The following LRRC7 variants were observed in gnomAD, a reference collection of about 807,000 sequenced individuals.
The protein encoded by LRRC7 is leucine-rich repeat-containing protein 7.
A neutral mutation model predicts 175.7 loss-of-function variants in LRRC7; 23 were observed. That is an observed-to-expected ratio of 0.13 (90% CI 0.09 to 0.19). LRRC7 has a LOEUF of 0.19. Ranked by LOEUF, LRRC7 falls within the 10% of genes least tolerant of loss-of-function variation. The probability of loss-of-function intolerance (pLI) is 1.00; values close to 1 mark genes in which losing one functional copy is unlikely to be tolerated. For synonymous variants in LRRC7, 685 were observed against 680.9 expected (o/e 1.01, Z -0.09); for missense variants, 1,354 against 1,904.7 (o/e 0.71, Z 5.38).
rs548270465 is a variant in LRRC7, at chr1:69,891,459, T to C, written c.648-40048T>C. Among the ~76,000 whole-genome samples the C allele has an allele frequency of 2.6e-5, 4 of 152,294 alleles. No homozygotes were observed. In the South Asian group the frequency reaches 6.2e-4, roughly 24 times the overall value. On this transcript the variant is annotated intron_variant, in intron 7 of 26. Transcript: ENST00000651989. ...AATATCACTGATCATTGGCTGGGCA[T>C]GGTGGCTCACACCTGTAATCCAAGC...
At chr1:69,602,742 T>C (rs1647129560) in intron 1 of LRRC7, among the ~76,000 whole-genome samples, 1 of 152,294 alleles carries the variant, frequency 6.6e-6, no homozygotes, top group African/African-American at 2.4e-5. Context: ...CGAGAATCAT[T>C]GGCTTACACA....
chr1:70,101,613 G>A (rs79238992), intron 25 of LRRC7, among the ~76,000 whole-genome samples: 1,692 of 152,282 alleles, frequency 0.011, 31 homozygotes, highest in Middle Eastern at 0.088. Flanking sequence ...AACCAGTAAG[G>A]CAAGGTCAGA....
chr1:70,023,522 CA>C (rs1464836167), intron 17 of LRRC7, 148 bp downstream of exon 17: 1 of 880,280 alleles, frequency 1.1e-6, no homozygotes, highest in African/African-American at 1.7e-5. Flanking sequence ...CTCAATTTAA[CA>C]TTTTGTTTAT....
chr1:69,643,456 C>T (rs893418875), intron 1 of LRRC7, among the ~76,000 whole-genome samples: 1 of 152,132 alleles, frequency 6.6e-6, no homozygotes, highest in African/African-American at 2.4e-5. Context: ...AACAAAACAA[C>T]TCTTTTCTCC....
At chr1:69,750,258 T>C (rs1406245226) in intron 2 of LRRC7, among the ~76,000 whole-genome samples, 2 of 151,868 alleles carry the variant, frequency 1.3e-5, no homozygotes, top group Non-Finnish European at 2.9e-5. Context: ...TAGTGTTCAG[T>C]AGCACAGCAA....
intron 7 of LRRC7, among the ~76,000 whole-genome samples, chr1:69,868,031 A>G (rs1001880597): frequency 6.6e-6 from 1 of 152,158 alleles, no homozygotes; most frequent in African/African-American, 2.4e-5. Flanking sequence ...TGAGAATCAT[A>G]CCATACCATT....
At position 69,964,808 on chromosome 1, in the gene LRRC7, AAAG is replaced by A. The variant is rs563056838; in HGVS notation, c.712-15570_712-15568del. On this transcript the variant is annotated intron_variant, in intron 8 of 26. Transcript: ENST00000651989. ...TTCTTAAAACAACTCTCAGATATTC[AAAG>A]GAGAGTGTTTTTGACACCTACATAG... Among the ~76,000 whole-genome samples the A allele has an allele frequency of 3.9e-5, 6 of 152,326 alleles. No homozygotes were observed. The South Asian group carries it at 1.2e-3, about 32-fold the overall frequency.
At chr1:69,782,727 A>G (rs552802108) in intron 3 of LRRC7, among the ~76,000 whole-genome samples, 12 of 152,290 alleles carry the variant, frequency 7.9e-5, no homozygotes, top group Admixed American at 2.0e-4. Flanking sequence ...AAAAATTATG[A>G]GGAGGAGATG....
intron 23 of LRRC7, among the ~76,000 whole-genome samples, chr1:70,059,513 G>A (rs1661413850): frequency 2.0e-5 from 3 of 148,410 alleles, no homozygotes; most frequent in African/African-American, 7.6e-5. Flanking sequence ...GTGTGTGTGT[G>A]TGTGGTCATT....
intron 24 of LRRC7, among the ~76,000 whole-genome samples, chr1:70,084,813 T>C (rs1167433970): frequency 1.3e-5 from 2 of 152,166 alleles, no homozygotes; most frequent in South Asian, 2.1e-4. Context: ...TTACCAGTAC[T>C]TATTATTGTT....
chr1:69,864,257 C>T (rs919729970), intron 7 of LRRC7, among the ~76,000 whole-genome samples: 6 of 152,156 alleles, frequency 3.9e-5, no homozygotes, highest in Non-Finnish European at 8.8e-5. Flanking sequence ...TGGGGACTCA[C>T]AGATAGAAAT....
chr1:69,596,104 C>A (rs890864532), intron 1 of LRRC7, among the ~76,000 whole-genome samples: 2 of 152,010 alleles, frequency 1.3e-5, no homozygotes, highest in Admixed American at 6.6e-5. Flanking sequence ...TGCCCAGGTG[C>A]TTTAAAGCAT....
chr1:69,939,015 C>CTATA lies in LRRC7; in HGVS notation c.711+7457_711+7460dup, dbSNP rs36186445. 2.8e-4 allele frequency among the ~76,000 whole-genome samples: 15 copies of CTATA among 52,694 alleles called. No individual in the cohort carries two copies. The East Asian group carries it at 9.9e-3, about 35-fold the overall frequency. 34.6% of individuals were successfully genotyped at this position (52,694 alleles called of 152,430 possible). On this transcript the variant is annotated intron_variant, in intron 8 of 26. Transcript: ENST00000651989. ...GTAGATTATATATATATATATATAT[C>CTATA]TATATATATATATATCTATATATAT...
Position 70,141,294 on chromosome 1 carries a change from A to AGT in LRRC7, c.*19408_*19409dup, listed in dbSNP as rs1667052451. 2 of 152,272 alleles carry AGT rather than the reference A, an allele frequency of 1.3e-5. No individual in the cohort carries two copies. The highest frequency in any genetic ancestry group is 4.8e-5 in the African/African-American group (2 of 41,562). 9.4% of individuals were successfully genotyped at this position (152,272 alleles called of 1,614,324 possible). A position where few individuals can be genotyped will look rare whatever the true frequency, so the allele number is the denominator to read the frequency against. The stretch of plus-strand genomic sequence containing the variant: ...AGAAAGAAAGGGTTTTTAAGAGTTA[A>AGT]GTCAGTAGAAAGGGAGCCTGCAAAT... On this transcript the variant is annotated 3_prime_UTR_variant, in exon 27 of 27. Coordinates refer to ENST00000651989, the MANE Select transcript of LRRC7 (RefSeq NM_001370785.2).
intron 1 of LRRC7, among the ~76,000 whole-genome samples, chr1:69,591,939 T>G (rs189582032): frequency 9.2e-4 from 140 of 152,206 alleles, no homozygotes; most frequent in African/African-American, 3.3e-3. Flanking sequence ...CTTTTTGCCT[T>G]GTATACATTT....
At chr1:69,754,804 T>C (rs1670223665) in intron 2 of LRRC7, among the ~76,000 whole-genome samples, 1 of 151,836 alleles carries the variant, frequency 6.6e-6, no homozygotes, top group Non-Finnish European at 1.5e-5. Context: ...CTATAAAACA[T>C]AAAGTAGAAA....
intron 21 of LRRC7, among the ~76,000 whole-genome samples, chr1:70,041,198 G>A (rs560798734): frequency 6.6e-6 from 1 of 152,142 alleles, no homozygotes; most frequent in Non-Finnish European, 1.5e-5. Context: ...AAAAGCACAG[G>A]TCACTGCATT....
rs773666243 is a variant in LRRC7, at chr1:70,039,259, G to A, written c.3435G>A (p.Gly1145=). Residue 1145 remains glycine (G), a synonymous_variant, in exon 21 of 27, where the codon GGG becomes GGA. Transcript: ENST00000651989. ...TGAATGCCCAGTTCGCAAGCCAAGG[G>A]GCCAGGGCGGGCTTCCTGAGAAGGG... ...AVVNAQFASQ[G]ARAGFLRRAD... 2.5e-6 allele frequency: 4 copies of A among 1,614,046 alleles called. No homozygotes were observed. Among genetic ancestry groups the A allele is most frequent in the South Asian group, 1.1e-5 (1 of 91,074 alleles).
At chr1:70,029,828 G>T (rs143686401) in intron 18 of LRRC7, among the ~76,000 whole-genome samples, 55 of 152,230 alleles carry the variant, frequency 3.6e-4, no homozygotes, top group Middle Eastern at 3.4e-3. Context: ...TGAGACTTTG[G>T]TTATGAATTT....
Sources: gnomAD v4.1 joint callset for allele counts (sites outside exome capture counted in the v4.1 genomes callset) on GRCh38, gnomAD v4.1.1 for gene constraint, MANE v1.5 for transcripts, NCBI Gene and HGNC (gene_info 2026-07-23, HGNC 2026-07-21) for gene names.